IL12RB1: variants seen among roughly 807,000 people sequenced by gnomAD.
IL12RB1 encodes interleukin-12 receptor subunit beta-1.
A neutral mutation model predicts 94.4 loss-of-function variants in IL12RB1; 64 were observed. The observed-to-expected ratio is 0.68, with a 90% CI of 0.55 to 0.83. The LOEUF is 0.83. IL12RB1 is among the 40% of genes least tolerant of loss of function. IL12RB1 has a pLI of 0.00. For missense variants in IL12RB1, 814 were observed against 855.6 expected (o/e 0.95, Z 0.61); for synonymous variants, 362 against 355.5 (o/e 1.02, Z -0.21).
rs372512479 is a variant in IL12RB1 at position 18,080,900 on chromosome 19, C to G, written c.341G>C (p.Trp114Ser). 5.1e-5 allele frequency: 82 copies of G among 1,613,198 alleles called. No homozygotes were observed. Among genetic ancestry groups the G allele is most frequent in the Non-Finnish European group, 6.2e-5 (73 of 1,179,318 alleles). ...CTGGTTCCTGGCCCAGGATTCCACC[C>G]AGAGTGTGACAGTGTACAGCACAGA... ...GVSVLYTVTL[W>S]VESWARNQTE... The change falls in exon 4 of 17, where the codon TGG (tryptophan) becomes TCG (serine). Residue 114 changes from tryptophan (W) to serine (S), a missense_variant. By Grantham distance (177) the Trp-to-Ser change is radical. Transcript: ENST00000593993.
rs1395268084 is a variant in IL12RB1 at position 18,073,815 on chromosome 19, TG to T, written c.701-217del. On this transcript the variant is annotated intron_variant, in intron 7 of 16. Transcript: ENST00000593993. ...TAATCTCATGTTGCCTAAGGTTTTTTGTTTGTTTGTTTGTTCGTTTGCTTTT... is the reference window on the plus strand; with the variant it reads ...TAATCTCATGTTGCCTAAGGTTTTTTTTTGTTTGTTTGTTCGTTTGCTTTT... Among the ~76,000 whole-genome samples, 3 of 152,300 alleles carry T rather than the reference TG, an allele frequency of 2.0e-5. No homozygotes were observed. In the East Asian group the frequency reaches 5.8e-4, roughly 29 times the overall value.
chr19:18,060,166 G>T, intron 15 of IL12RB1, 81 bp from the exon 16 acceptor site: 1 of 739,774 alleles, frequency 1.4e-6, no homozygotes, highest in Non-Finnish European at 2.3e-6. Flanking sequence ...CCAGGTCACT[G>T]CTGGTTAAAT....
rs17884758 is a variant in IL12RB1, at chr19:18,062,780, T to TA, written c.1619-504dup. Among the ~76,000 whole-genome samples, 539 of 151,800 alleles carry TA rather than the reference T, an allele frequency of 3.6e-3. 4 individuals are homozygous for TA. The highest frequency in any genetic ancestry group is 0.012 in the African/African-American group (504 of 41,406). On this transcript the variant is annotated intron_variant, in intron 13 of 16. Transcript: ENST00000593993. ...AGAGGGAAAATCTGTCTCAAAAAGA[T>TA]AAAAAAAGACTCTGTAATTCCAGGA...
chr19:18,066,514 C>G (rs762568125), intron 12 of IL12RB1, 28 bp downstream of exon 12: 8 of 1,569,454 alleles, frequency 5.1e-6, no homozygotes, highest in Admixed American at 5.0e-5. Flanking sequence ...CCTTCCTCCC[C>G]AAGCCAGGTC....
Position 18,083,127 on chromosome 19 carries a change from G to T in IL12RB1, c.124+305C>A, listed in dbSNP as rs1045359472. ...AAATGTTCTAATAATTTATCAGGTT[G>T]GGGGGGGGGCTTCAAAATGCTTAAC... On this transcript the variant is annotated intron_variant, in intron 2 of 16. Transcript: ENST00000593993. 2.7e-5 allele frequency: 9 copies of T among 333,206 alleles called. 1 individual carries two copies. Among genetic ancestry groups the T allele is most frequent in the Admixed American group, 8.7e-5 (2 of 22,862 alleles). The allele number at this position is 333,206 out of a possible 1,614,324, so 20.6% of individuals were successfully genotyped here. A position where few individuals can be genotyped will look rare whatever the true frequency, so the allele number is the denominator to read the frequency against.
upstream of IL12RB1, among the ~76,000 whole-genome samples, chr19:18,091,868 CTTTTTTTTTTT>C (rs1264996682): frequency 8.3e-6 from 1 of 120,494 alleles, no homozygotes; most frequent in Non-Finnish European, 1.7e-5. Context: ...CCTGGCTTTT[CTTTTTTTTTTT>C]TTTTTTTTTA....
intron 13 of IL12RB1, among the ~76,000 whole-genome samples, chr19:18,063,636 G>A (rs185734591): frequency 8.5e-5 from 13 of 152,294 alleles, no homozygotes; most frequent in Admixed American, 1.3e-4. Flanking sequence ...GAGTTGGACC[G>A]TGTGGAAAAC....
chr19:18,093,160 C>G (rs957575654), intron 1 of IL12RB1, among the ~76,000 whole-genome samples: 1 of 151,568 alleles, frequency 6.6e-6, no homozygotes, highest in African/African-American at 2.4e-5. Context: ...CAAAGATTAG[C>G]CGGGTGTGGT....
intron 5 of IL12RB1, among the ~76,000 whole-genome samples, chr19:18,076,715 T>A (rs1238398537): frequency 6.6e-6 from 1 of 152,128 alleles, no homozygotes; most frequent in African/African-American, 2.4e-5. Context: ...TAAATTTTTT[T>A]AAATTAAAGA....
At chr19:18,081,847 A>AATGGATGGATGGATGG (rs3048839) in intron 3 of IL12RB1, among the ~76,000 whole-genome samples, 15 of 148,404 alleles carry the variant, frequency 1.0e-4, no homozygotes, top group Non-Finnish European at 1.8e-4. Flanking sequence ...AAAAAGAAAA[A>AATGGATGGATGGATGG]ATGGATGGAT....
At position 18,080,684 on chromosome 19, in the gene IL12RB1, A is replaced by C; in HGVS notation, c.409+148T>G. ...GGACCATGAAAGACTGCTTTGTCAC[A>C]ATAGTGTTTGCGTGACACTACGTGA... On this transcript the variant is annotated intron_variant, in intron 4 of 16. Coordinates refer to ENST00000593993, the MANE Select transcript of IL12RB1 (RefSeq NM_005535.3). The C allele has an allele frequency of 8.3e-6, 6 of 721,938 alleles. 1 individual carries two copies. In the South Asian group the frequency reaches 8.8e-5, roughly 11 times the overall value. The allele number at this position is 721,938 out of a possible 1,614,324, so 44.7% of individuals were successfully genotyped here.
intron 13 of IL12RB1, 58 bp from the exon 14 acceptor site, chr19:18,062,335 G>C: frequency 9.6e-7 from 1 of 1,041,748 alleles, no homozygotes. Context: ...CCTCAGGGAA[G>C]GAGCTAGGAG....
Position 18,064,020 on chromosome 19 carries a change from G to A in IL12RB1, c.1484-10C>T, listed in dbSNP as rs1351186527. The A allele has an allele frequency of 1.3e-5, 21 of 1,608,730 alleles. No individual in the cohort carries two copies. Among genetic ancestry groups the A allele is most frequent in the Non-Finnish European group, 1.8e-5 (21 of 1,175,786 alleles). Reference sequence around the variant, plus strand: ...GGCTGCACGGGATGCTCTGCAGTGGGAGAGGCAACCCTGAGTCCTGGGACC... The same window carrying A: ...GGCTGCACGGGATGCTCTGCAGTGGAAGAGGCAACCCTGAGTCCTGGGACC... On this transcript the variant is annotated splice_polypyrimidine_tract_variant and intron_variant, in intron 12 of 16. Coordinates refer to ENST00000593993, the MANE Select transcript of IL12RB1 (RefSeq NM_005535.3).
intron 12 of IL12RB1, among the ~76,000 whole-genome samples, chr19:18,066,096 T>G (rs1384743696): frequency 6.6e-6 from 1 of 151,450 alleles, no homozygotes; most frequent in Non-Finnish European, 1.5e-5. Flanking sequence ...TTTTGTTTTT[T>G]GTTTGTTTGT....
intron 1 of IL12RB1, chr19:18,097,919 C>G: frequency 9.4e-7 from 1 of 1,065,022 alleles, no homozygotes; most frequent in Non-Finnish European, 1.2e-6. Context: ...GGGGCCTTCA[C>G]GGGCTGTAGG....
rs1213185083 is a variant in IL12RB1 at position 18,059,083 on chromosome 19, A to T, written c.*525T>A. The T allele has an allele frequency of 2.1e-5, 3 of 145,820 alleles. No homozygotes were observed. Among genetic ancestry groups the T allele is most frequent in the African/African-American group, 7.9e-5 (3 of 37,852 alleles). The allele number at this position is 145,820 out of a possible 1,614,324, so 9.0% of individuals were successfully genotyped here. On this transcript the variant is annotated 3_prime_UTR_variant, in exon 17 of 17. Coordinates refer to ENST00000593993, the MANE Select transcript of IL12RB1 (RefSeq NM_005535.3). The stretch of plus-strand genomic sequence containing the variant: ...ATACCCAAGAGGAGGCTCATTTACG[A>T]TGATTTTGAACAGCTGTGTAAGGTC...
chr19:18,081,025 G>A, intron 3 of IL12RB1, 24 bp from the exon 4 acceptor site: 2 of 1,605,934 alleles, frequency 1.2e-6, no homozygotes, highest in Admixed American at 3.3e-5. Flanking sequence ...GAGGGTGTCA[G>A]TGCCGAGTCT....
At chr19:18,083,128 G>GT (rs2036029988) in intron 2 of IL12RB1, 1 of 520,248 alleles carries the variant, frequency 1.9e-6, no homozygotes. Flanking sequence ...TATCAGGTTG[G>GT]GGGGGGGGCT....
intron 13 of IL12RB1, among the ~76,000 whole-genome samples, chr19:18,063,073 CT>C (rs2034272744): frequency 1.8e-5 from 2 of 109,320 alleles, no homozygotes; most frequent in Non-Finnish European, 3.6e-5. Context: ...CCTTCTTCTT[CT>C]TCTATTTTTT....
Sources: gnomAD v4.1 joint callset for allele counts (sites outside exome capture counted in the v4.1 genomes callset) on GRCh38, gnomAD v4.1.1 for gene constraint, MANE v1.5 for transcripts, NCBI Gene and HGNC (gene_info 2026-07-23, HGNC 2026-07-21) for gene names.